Variants in GASK1B observed in about 807,000 individuals in gnomAD.
The protein encoded by GASK1B is golgi associated kinase 1B, also known as Golgi-associated kinase 1B.
In GASK1B, 34 loss-of-function variants were observed where a neutral mutation model predicts 42.8. The observed-to-expected ratio is 0.79, with a 90% CI of 0.60 to 1.06. GASK1B has a LOEUF of 1.06. Among genes scored for constraint, GASK1B ranks in the 50% least tolerant of loss-of-function variants. The probability of loss-of-function intolerance (pLI) is 0.00; values close to 1 mark genes in which losing one functional copy is unlikely to be tolerated. For synonymous variants in GASK1B, 262 were observed against 259.1 expected, an observed-to-expected ratio of 1.01 and a Z score of -0.11; for missense variants, 686 against 661.0, an observed-to-expected ratio of 1.04 and a Z score of -0.42.
At chr4:158,131,145 A>T in intron 3 of GASK1B, 133 bp from the exon 4 acceptor site, 1 of 694,596 alleles carries the variant, frequency 1.4e-6, no homozygotes, top group Middle Eastern at 4.0e-4. Flanking sequence ...TCATTTAATT[A>T]AAGGCAACTG....
intron 3 of GASK1B, among the ~76,000 whole-genome samples, chr4:158,148,026 C>T (rs1252287741): frequency 1.3e-5 from 2 of 151,692 alleles, no homozygotes; most frequent in East Asian, 1.9e-4. Context: ...AGACTGGGCA[C>T]GATAATGAGA....
chr4:158,155,802 G>A lies in GASK1B; in HGVS notation c.934C>T (p.Leu312Phe), dbSNP rs779544147. ...IQDGRPCPII[L>F]WDASLSSASN... ...GCTGAAGATAAAGATGCATCCCAAA[G>A]AATGATGGGGCATGGGCGGCCATCT... is the stretch of plus-strand genomic sequence containing the variant. The change falls in exon 3 of 5, where the codon CTT becomes TTT. Residue 312 changes from leucine to phenylalanine, a missense_variant. By Grantham distance (22) the Leu-to-Phe change is conservative (BLOSUM62 0). Transcript: ENST00000585682. 1.2e-6 allele frequency: 2 copies of A among 1,613,724 alleles called. No homozygotes were observed. Among genetic ancestry groups the A allele is most frequent in the South Asian group, 2.2e-5 (2 of 91,072 alleles).
chr4:158,146,713 A>C (rs1277506637), intron 3 of GASK1B, among the ~76,000 whole-genome samples: 2 of 152,162 alleles, frequency 1.3e-5, no homozygotes, highest in Admixed American at 6.5e-5. Context: ...GACACAATAC[A>C]GTGTCTCTTT....
chr4:158,155,920 A>C, intron 2 of GASK1B, 95 bp from the exon 3 acceptor site: 1 of 954,042 alleles, frequency 1.0e-6, no homozygotes, highest in Non-Finnish European at 1.6e-6. Flanking sequence ...TCTCACGCTC[A>C]CCTATCAAAT....
intron 1 of GASK1B, chr4:158,172,450 C>G (rs185515293): frequency 1.3e-3 from 200 of 152,244 alleles, no homozygotes; most frequent in African/African-American, 4.5e-3. Context: ...CAAGAGTGTT[C>G]CACATTTCAA....
chr4:158,147,328 C>T (rs942042451), intron 3 of GASK1B, among the ~76,000 whole-genome samples: 7 of 152,012 alleles, frequency 4.6e-5, no homozygotes, highest in South Asian at 2.1e-4. Flanking sequence ...TGGCCAGGCA[C>T]GGTGACTCAT....
At chr4:158,129,356 G>A (rs1267720440) in intron 4 of GASK1B, among the ~76,000 whole-genome samples, 3 of 152,078 alleles carry the variant, frequency 2.0e-5, no homozygotes, top group Non-Finnish European at 2.9e-5. Flanking sequence ...TAAATTTTCC[G>A]ATACATAAAA....
At chr4:158,145,923 T>C (rs1329729122) in intron 3 of GASK1B, among the ~76,000 whole-genome samples, 1 of 152,232 alleles carries the variant, frequency 6.6e-6, no homozygotes, top group Non-Finnish European at 1.5e-5. Context: ...TAATTTATCA[T>C]TAAATAAACA....
At chr4:158,140,716 C>T (rs570731763) in intron 3 of GASK1B, among the ~76,000 whole-genome samples, 1 of 152,262 alleles carries the variant, frequency 6.6e-6, no homozygotes, top group African/African-American at 2.4e-5. Context: ...CTAGTCCCAG[C>T]AATACGTTAA....
intron 2 of GASK1B, among the ~76,000 whole-genome samples, chr4:158,158,928 C>T (rs1170880714): frequency 6.6e-6 from 1 of 152,020 alleles, no homozygotes; most frequent in Non-Finnish European, 1.5e-5. Flanking sequence ...GGCCTACAGG[C>T]TATACATTAA....
intron 3 of GASK1B, among the ~76,000 whole-genome samples, chr4:158,149,642 T>C (rs2346776): frequency 0.88 from 134,376 of 152,142 alleles, 60,496 homozygotes; most frequent in East Asian, 0.98. Context: ...TCCCCAAACA[T>C]TTGACCTCAT....
rs199542058 is a variant in GASK1B at position 158,170,965 on chromosome 4, C to A, written c.411G>T (p.Ser137=). Reference sequence around the variant, plus strand: ...CCAAAGCCTCCTGCCCTGGGGCAGCCGATGCCACTGCATGCTTTTTCCTGC... The same window carrying A: ...CCAAAGCCTCCTGCCCTGGGGCAGCAGATGCCACTGCATGCTTTTTCCTGC... The part of the protein sequence containing the change: ...PKRRKKHAVA[S]AAPGQEALVG... The change falls in exon 2 of 5, where the codon TCG becomes TCT. Residue 137 remains serine, a synonymous_variant. Coordinates refer to ENST00000585682, the MANE Select transcript of GASK1B (RefSeq NM_001128424.2). 43 of 1,614,114 alleles carry A rather than the reference C, an allele frequency of 2.7e-5. No homozygotes were observed. Among genetic ancestry groups the A allele is most frequent in the Non-Finnish European group, 3.5e-5 (41 of 1,180,058 alleles).
intron 2 of GASK1B, chr4:158,168,805 C>T (rs1482701314): frequency 6.6e-6 from 1 of 152,178 alleles, no homozygotes; most frequent in East Asian, 1.9e-4. Flanking sequence ...TTCATCTTCT[C>T]CTCTCTGGGG....
intron 4 of GASK1B, among the ~76,000 whole-genome samples, chr4:158,130,472 C>T (rs1372957662): frequency 6.6e-6 from 1 of 152,206 alleles, no homozygotes; most frequent in Non-Finnish European, 1.5e-5. Context: ...CTGCCAAATC[C>T]TATGCCAGAG....
intron 3 of GASK1B, among the ~76,000 whole-genome samples, chr4:158,147,912 A>G (rs1731393388): frequency 6.6e-6 from 1 of 152,246 alleles, no homozygotes; most frequent in South Asian, 2.1e-4. Flanking sequence ...TAAAATATAA[A>G]TAATCAATAA....
chr4:158,133,622 T>C (rs1314782470), intron 3 of GASK1B, among the ~76,000 whole-genome samples: 2 of 152,220 alleles, frequency 1.3e-5, no homozygotes, highest in Non-Finnish European at 1.5e-5. Flanking sequence ...CATTAAAAGT[T>C]AAAGGTTGAA....
At chr4:158,133,835 C>T (rs1171657303) in intron 3 of GASK1B, among the ~76,000 whole-genome samples, 5 of 152,148 alleles carry the variant, frequency 3.3e-5, no homozygotes, top group Non-Finnish European at 7.3e-5. Flanking sequence ...AGCCCAACTT[C>T]TCTTATAGAA....
At chr4:158,166,766 A>G (rs949782303) in intron 2 of GASK1B, among the ~76,000 whole-genome samples, 5 of 152,178 alleles carry the variant, frequency 3.3e-5, no homozygotes, top group Admixed American at 1.3e-4. Context: ...GCATCAGTGT[A>G]TAAGTCATCT....
chr4:158,155,743 G>T lies in GASK1B; in HGVS notation c.993C>A (p.Thr331=). 6.2e-7 allele frequency: 1 copy of T among 1,613,872 alleles called. No homozygotes were observed. Among genetic ancestry groups the T allele is most frequent in the Non-Finnish European group, 8.5e-7 (1 of 1,179,824 alleles). ...SNDTHSSVKL[T]WGTYQQLLKQ... ...TCAGCAACTGCTGATAAGTTCCCCA[G>T]GTGAGCTTAACAGAAGAATGGGTGT... is the stretch of plus-strand genomic sequence containing the variant. Residue 331 remains threonine (T), a synonymous_variant, in exon 3 of 5, where the codon ACC becomes ACA. Transcript: ENST00000585682.
Sources: allele counts gnomAD v4.1 joint callset (sites outside exome capture counted in the v4.1 genomes callset), GRCh38; gene constraint gnomAD v4.1.1; transcripts MANE v1.5; gene names NCBI Gene and HGNC (gene_info 2026-07-23, HGNC 2026-07-21).